GFRA2: variants seen among roughly 807,000 people sequenced by gnomAD.
The protein encoded by GFRA2 is GDNF family receptor alpha-2.
A neutral mutation model predicts 48.3 loss-of-function variants in GFRA2; 17 were observed. The ratio of observed to expected loss-of-function variants is 0.35; its 90% CI spans 0.24 to 0.53. GFRA2 has a LOEUF of 0.53. Ranked by LOEUF, GFRA2 falls within the 20% of genes least tolerant of loss-of-function variation. The pLI, the probability that GFRA2 is intolerant of heterozygous loss-of-function variation, is 0.93. For synonymous variants in GFRA2, 305 were observed against 257.2 expected, an observed-to-expected ratio of 1.19 and a Z score of -1.78; for missense variants, 660 against 637.3, an observed-to-expected ratio of 1.04 and a Z score of -0.38.
At chr8:21,728,886 T>C (rs1804029849) in intron 4 of GFRA2, among the ~76,000 whole-genome samples, 1 of 152,234 alleles carries the variant, frequency 6.6e-6, no homozygotes, top group Admixed American at 6.5e-5. Context: ...AAGAGCTCAC[T>C]CAGGGTCACC....
intron 1 of GFRA2, among the ~76,000 whole-genome samples, chr8:21,786,314 C>T (rs1351698715): frequency 6.6e-6 from 1 of 152,230 alleles, no homozygotes; most frequent in Non-Finnish European, 1.5e-5. Flanking sequence ...CAGGGGCCCA[C>T]ACTGCTCTTC....
intron 2 of GFRA2, among the ~76,000 whole-genome samples, chr8:21,778,950 C>A (rs2117725328): frequency 6.6e-6 from 1 of 152,194 alleles, no homozygotes; most frequent in Admixed American, 6.5e-5. Context: ...CCTATCATCC[C>A]ACCACTTTGG....
intron 4 of GFRA2, among the ~76,000 whole-genome samples, chr8:21,746,564 A>G (rs1805015324): frequency 6.6e-6 from 1 of 152,092 alleles, no homozygotes; most frequent in Non-Finnish European, 1.5e-5. Flanking sequence ...TAATCCAGAC[A>G]TAGCACTGCT....
At chr8:21,776,462 C>T (rs1806712592) in intron 2 of GFRA2, among the ~76,000 whole-genome samples, 4 of 142,876 alleles carry the variant, frequency 2.8e-5, no homozygotes, top group African/African-American at 8.4e-5. Context: ...CTCATCCAGA[C>T]GAGACTCTTT....
chr8:21,795,341 G>A (rs1288802115), intron 2 of GFRA2, among the ~76,000 whole-genome samples: 1 of 151,720 alleles, frequency 6.6e-6, no homozygotes, highest in Non-Finnish European at 1.5e-5. Flanking sequence ...ACAACAAACT[G>A]AAACACATTG....
chr8:21,741,999 G>A (rs1371084965), intron 4 of GFRA2, among the ~76,000 whole-genome samples: 1 of 151,988 alleles, frequency 6.6e-6, no homozygotes, highest in East Asian at 1.9e-4. Flanking sequence ...AAAAACAGAG[G>A]ACTGATTGGG....
chr8:21,792,235 A>G (rs1430427080), upstream of GFRA2, among the ~76,000 whole-genome samples: 2 of 152,354 alleles, frequency 1.3e-5, no homozygotes, highest in East Asian at 3.9e-4. Flanking sequence ...ACACGCACAC[A>G]TGCGCACCTA....
intron 4 of GFRA2, among the ~76,000 whole-genome samples, chr8:21,737,189 G>A (rs571146953): frequency 8.5e-5 from 13 of 152,226 alleles, no homozygotes; most frequent in Admixed American, 5.2e-4. Flanking sequence ...CCAACATGGC[G>A]AAACCCCATC....
chr8:21,702,764 T>A lies in GFRA2; in HGVS notation c.1218+41A>T, dbSNP rs1462145574. On this transcript the variant is annotated intron_variant, in intron 7 of 8. Transcript: ENST00000524240. ...GAGTCATTTCCCATGCCACTTCCGG[T>A]GCCATGGTGCTCCCCCCACGCCTCA... The A allele has an allele frequency of 5.2e-6, 8 of 1,530,392 alleles. No individual in the cohort carries two copies. In the South Asian group the frequency reaches 1.0e-4, roughly 19 times the overall value. The allele number at this position is 1,530,392 out of a possible 1,614,324, so 94.8% of individuals were successfully genotyped here.
intron 4 of GFRA2, among the ~76,000 whole-genome samples, chr8:21,738,569 T>C (rs1804597662): frequency 6.6e-6 from 1 of 152,154 alleles, no homozygotes; most frequent in Non-Finnish European, 1.5e-5. Flanking sequence ...CACCGTCTTC[T>C]GGGGAAAATC....
chr8:21,720,134 G>A (rs1415559684), intron 4 of GFRA2, among the ~76,000 whole-genome samples: 1 of 126,076 alleles, frequency 7.9e-6, no homozygotes, highest in African/African-American at 3.2e-5. Context: ...AAGATTCAGA[G>A]AGATTCTTGC....
At chr8:21,728,082 C>G (rs1440219739) in intron 4 of GFRA2, among the ~76,000 whole-genome samples, 1 of 151,988 alleles carries the variant, frequency 6.6e-6, no homozygotes, top group Non-Finnish European at 1.5e-5. Context: ...GTTTGTTGGA[C>G]TCCCTGTCCA....
intron 4 of GFRA2, among the ~76,000 whole-genome samples, chr8:21,722,171 C>T (rs978329652): frequency 6.6e-6 from 1 of 152,158 alleles, no homozygotes; most frequent in Non-Finnish European, 1.5e-5. Flanking sequence ...TTACACACCC[C>T]CATGCTAGCC....
At chr8:21,769,625 A>T (rs1442658970) in intron 3 of GFRA2, among the ~76,000 whole-genome samples, 1 of 152,132 alleles carries the variant, frequency 6.6e-6, no homozygotes, top group Non-Finnish European at 1.5e-5. Flanking sequence ...CCGTGATGCC[A>T]GGATCCTCGG....
At chr8:21,742,807 A>G (rs1804817630) in intron 4 of GFRA2, among the ~76,000 whole-genome samples, 1 of 151,990 alleles carries the variant, frequency 6.6e-6, no homozygotes, top group Non-Finnish European at 1.5e-5. Flanking sequence ...CTCAAGCACA[A>G]CTCCACAAGT....
In GFRA2 at chr8:21,777,514, C is replaced by G. The variant is rs1305391767; in HGVS notation, c.356-2459G>C. Among the ~76,000 whole-genome samples the G allele has an allele frequency of 3.3e-5, 5 of 152,148 alleles. No homozygotes were observed. The East Asian group carries it at 9.6e-4, about 29-fold the overall frequency. ...GCCACAGAATTCACCAGTGAGAAAT[C>G]CCGAGGTGTGAGCCACTGAAACCAG... On this transcript the variant is annotated intron_variant, in intron 2 of 8. Coordinates refer to ENST00000524240, the MANE Select transcript of GFRA2 (RefSeq NM_001495.5).
At chr8:21,718,919 C>T (rs1411250531) in intron 4 of GFRA2, among the ~76,000 whole-genome samples, 1 of 151,636 alleles carries the variant, frequency 6.6e-6, no homozygotes, top group Non-Finnish European at 1.5e-5. Context: ...AGCCCCCTAC[C>T]CATCCCCCTG....
At chr8:21,730,721 T>C (rs539090265) in intron 4 of GFRA2, among the ~76,000 whole-genome samples, 3 of 152,244 alleles carry the variant, frequency 2.0e-5, no homozygotes, top group East Asian at 3.9e-4. Flanking sequence ...GCTGGCAGAA[T>C]GGCCACAGAA....
chr8:21,720,167 T>A (rs1398691981), intron 4 of GFRA2, among the ~76,000 whole-genome samples: 1 of 151,980 alleles, frequency 6.6e-6, no homozygotes, highest in South Asian at 2.1e-4. Flanking sequence ...TCCTGACACA[T>A]AACGTATGGA....
Sources: gnomAD v4.1 joint callset for allele counts (sites outside exome capture counted in the v4.1 genomes callset) on GRCh38, gnomAD v4.1.1 for gene constraint, MANE v1.5 for transcripts, NCBI Gene and HGNC (gene_info 2026-07-23, HGNC 2026-07-21) for gene names.